The following CACNA1E variants were observed in gnomAD, a reference collection of about 807,000 sequenced individuals.
CACNA1E encodes the protein voltage-dependent R-type calcium channel subunit alpha-1E.
A neutral mutation model predicts 259.2 loss-of-function variants in CACNA1E; 40 were observed. That is an observed-to-expected ratio of 0.15 (90% CI 0.12 to 0.20). The LOEUF is 0.20. Among genes scored for constraint, CACNA1E ranks in the 10% least tolerant of loss-of-function variants. CACNA1E has a pLI of 1.00. For synonymous variants in CACNA1E, 1,104 were observed against 1,138.5 expected, an observed-to-expected ratio of 0.97 and a Z score of 0.61; for missense variants, 1,874 against 3,040.1, an observed-to-expected ratio of 0.62 and a Z score of 9.02.
chr1:181,630,761 G>A (rs1656651259), intron 6 of CACNA1E, among the ~76,000 whole-genome samples: 1 of 152,158 alleles, frequency 6.6e-6, no homozygotes, highest in Non-Finnish European at 1.5e-5. Context: ...CATTTAGAGT[G>A]GGGGATAGGG....
intron 1 of CACNA1E, among the ~76,000 whole-genome samples, chr1:181,352,340 G>A (rs1002294020): frequency 2.6e-5 from 4 of 152,138 alleles, no homozygotes; most frequent in Non-Finnish European, 4.4e-5. Flanking sequence ...GTGGGGAGGG[G>A]TGAGTACTTC....
chr1:181,492,392 C>CT (rs970599049), intron 1 of CACNA1E, among the ~76,000 whole-genome samples: 4 of 152,172 alleles, frequency 2.6e-5, no homozygotes, highest in African/African-American at 9.7e-5. Flanking sequence ...CTCATTACCA[C>CT]TTTTTTTGTT....
chr1:181,733,836 C>A, intron 21 of CACNA1E, 86 bp downstream of exon 21: 1 of 1,010,700 alleles, frequency 9.9e-7, no homozygotes, highest in Non-Finnish European at 1.4e-6. Context: ...ACATGGAAAG[C>A]ACCACCAGGA....
intron 43 of CACNA1E, among the ~76,000 whole-genome samples, chr1:181,789,140 T>C (rs1661086772): frequency 6.6e-6 from 1 of 152,192 alleles, no homozygotes; most frequent in South Asian, 2.1e-4. Flanking sequence ...AGAGTACAGG[T>C]GTGAAACACA....
chr1:181,375,360 G>A (rs1016406142), intron 1 of CACNA1E, among the ~76,000 whole-genome samples: 3 of 152,146 alleles, frequency 2.0e-5, no homozygotes, highest in African/African-American at 7.2e-5. Flanking sequence ...ATGGACTGAT[G>A]TTTATGTCCC....
In CACNA1E at chr1:181,322,511, C is replaced by A. The variant is rs902485224; in HGVS notation, c.-15+4388C>A. On this transcript the variant is annotated intron_variant, in intron 1 of 11. Transcript: ENST00000524607. ...GAGTTGTTTATGTGCAAATAAAGTACCTTCCTGGCAGAAGCGAAGATGTGT... is the reference window on the plus strand; with the variant it reads ...GAGTTGTTTATGTGCAAATAAAGTAACTTCCTGGCAGAAGCGAAGATGTGT... Among the ~76,000 whole-genome samples, 29 of 152,146 alleles carry A rather than the reference C, an allele frequency of 1.9e-4. 1 individual carries two copies. Among genetic ancestry groups the A allele is most frequent in the Admixed American group, 7.9e-4 (12 of 15,268 alleles).
At chr1:181,764,979 G>T (rs1572838667) in intron 34 of CACNA1E, among the ~76,000 whole-genome samples, 1 of 152,162 alleles carries the variant, frequency 6.6e-6, no homozygotes, top group East Asian at 1.9e-4. Flanking sequence ...AGGGAAGACA[G>T]GTGAATTTGC....
chr1:181,664,894 A>G (rs1203482132), intron 7 of CACNA1E, among the ~76,000 whole-genome samples: 1 of 152,168 alleles, frequency 6.6e-6, no homozygotes, highest in Non-Finnish European at 1.5e-5. Context: ...TAATCAAAAC[A>G]AGGTACTGTT....
chr1:181,461,772 T>A (rs892963267), intron 2 of CACNA1E, among the ~76,000 whole-genome samples: 5 of 148,898 alleles, frequency 3.4e-5, no homozygotes, highest in Non-Finnish European at 4.5e-5. Flanking sequence ...CATCTTAGAT[T>A]TTTTTTTTTT....
chr1:181,672,820 T>C (rs1328324608), intron 7 of CACNA1E, among the ~76,000 whole-genome samples: 1 of 152,222 alleles, frequency 6.6e-6, no homozygotes, highest in African/African-American at 2.4e-5. Flanking sequence ...CTGGCAAAAT[T>C]TGAGAAGTTG....
At chr1:181,363,487 G>A (rs886560411) in intron 1 of CACNA1E, among the ~76,000 whole-genome samples, 2 of 152,214 alleles carry the variant, frequency 1.3e-5, no homozygotes, top group African/African-American at 4.8e-5. Flanking sequence ...CCAAGGAAGT[G>A]CTTCGAGGAG....
chr1:181,469,594 T>G (rs905603841), intron 2 of CACNA1E, among the ~76,000 whole-genome samples: 1 of 152,086 alleles, frequency 6.6e-6, no homozygotes, highest in Non-Finnish European at 1.5e-5. Context: ...GGTTTGGAAG[T>G]CTTCTGGATA....
At chr1:181,424,198 A>G (rs1181768619) in intron 2 of CACNA1E, among the ~76,000 whole-genome samples, 3 of 152,260 alleles carry the variant, frequency 2.0e-5, no homozygotes, top group Non-Finnish European at 2.9e-5. Context: ...AGACCGGAGC[A>G]CATGCCCTGC....
At chr1:181,564,353 G>A (rs1330155197) in intron 3 of CACNA1E, among the ~76,000 whole-genome samples, 3 of 152,168 alleles carry the variant, frequency 2.0e-5, no homozygotes, top group Non-Finnish European at 4.4e-5. Flanking sequence ...ATCTTCATCA[G>A]GAGTAGATTT....
chr1:181,697,422 A>G (rs192380544), intron 7 of CACNA1E, among the ~76,000 whole-genome samples: 8 of 152,358 alleles, frequency 5.3e-5, no homozygotes, highest in Admixed American at 3.3e-4. Context: ...TGAAAATCAA[A>G]GCAGATAGTG....
intron 1 of CACNA1E, among the ~76,000 whole-genome samples, chr1:181,499,335 C>T (rs1006524800): frequency 6.6e-6 from 1 of 152,118 alleles, no homozygotes; most frequent in African/African-American, 2.4e-5. Context: ...TCTTTAGATC[C>T]CTTTCTTTTA....
At chr1:181,564,655 A>G (rs140264907) in intron 3 of CACNA1E, among the ~76,000 whole-genome samples, 95 of 152,332 alleles carry the variant, frequency 6.2e-4, no homozygotes, top group African/African-American at 2.3e-3. Context: ...AGTCCTTTCC[A>G]GAAGGTTCCA....
chr1:181,583,313 A>G (rs918083849), intron 6 of CACNA1E, among the ~76,000 whole-genome samples: 1 of 152,164 alleles, frequency 6.6e-6, no homozygotes, highest in Non-Finnish European at 1.5e-5. Flanking sequence ...ATATAACTGT[A>G]TTGATTTTCC....
At chr1:181,565,588 C>T (rs1033350950) in intron 3 of CACNA1E, among the ~76,000 whole-genome samples, 3 of 152,186 alleles carry the variant, frequency 2.0e-5, no homozygotes, top group Non-Finnish European at 4.4e-5. Context: ...TAACTGTGGC[C>T]AGTAGTGCCA....
Sources: allele counts gnomAD v4.1 joint callset (sites outside exome capture counted in the v4.1 genomes callset), GRCh38; gene constraint gnomAD v4.1.1; transcripts MANE v1.5; gene names NCBI Gene and HGNC (gene_info 2026-07-23, HGNC 2026-07-21).